The following AFF3 variants were observed in gnomAD, a reference collection of about 807,000 sequenced individuals.
AFF3 encodes the protein ALF transcription elongation factor 3.
AFF3 carries 32 observed loss-of-function variants against 129.7 expected under a neutral mutation model. The ratio of observed to expected loss-of-function variants is 0.25; its 90% CI spans 0.19 to 0.33. AFF3 has a LOEUF of 0.33. AFF3 is among the 10% of genes least tolerant of loss of function. The probability of loss-of-function intolerance (pLI) is 1.00; values close to 1 mark genes in which losing one functional copy is unlikely to be tolerated. For synonymous variants in AFF3, 644 were observed against 635.4 expected (o/e 1.01, Z -0.20); for missense variants, 1,373 against 1,592.0 (o/e 0.86, Z 2.34).
chr2:99,953,153 G>T (rs1676321536), intron 7 of AFF3, among the ~76,000 whole-genome samples: 1 of 152,174 alleles, frequency 6.6e-6, no homozygotes, highest in Non-Finnish European at 1.5e-5. Flanking sequence ...AGGGTTCTAA[G>T]ATTTTAGAAT....
intron 8 of AFF3, among the ~76,000 whole-genome samples, chr2:99,778,107 G>A (rs1361692927): frequency 6.6e-6 from 1 of 152,152 alleles, no homozygotes; most frequent in Non-Finnish European, 1.5e-5. Context: ...AGAGCCAGAA[G>A]GCAGAGCAGT....
At chr2:99,996,351 T>C (rs1680825593) in intron 7 of AFF3, among the ~76,000 whole-genome samples, 1 of 152,192 alleles carries the variant, frequency 6.6e-6, no homozygotes, top group East Asian at 1.9e-4. Flanking sequence ...ACATTAACTG[T>C]GATTATTTCC....
chr2:99,961,524 G>A (rs1677212267), intron 7 of AFF3, among the ~76,000 whole-genome samples: 1 of 152,140 alleles, frequency 6.6e-6, no homozygotes, highest in Non-Finnish European at 1.5e-5. Flanking sequence ...GATGCACACA[G>A]GTTTTAGAGA....
intron 1 of AFF3, among the ~76,000 whole-genome samples, chr2:100,131,501 C>A (rs553831398): frequency 6.6e-6 from 1 of 151,930 alleles, no homozygotes; most frequent in South Asian, 2.1e-4. Context: ...GCTCTGTTGC[C>A]CAGGCTGGAG....
chr2:99,818,362 G>C (rs1363400582), intron 8 of AFF3, among the ~76,000 whole-genome samples: 4 of 152,166 alleles, frequency 2.6e-5, no homozygotes, highest in African/African-American at 7.2e-5. Context: ...GAAATGTAGG[G>C]AATCTCATTC....
intron 2 of AFF3, among the ~76,000 whole-genome samples, chr2:100,109,567 A>G (rs138317306): frequency 1.8e-3 from 279 of 152,180 alleles, no homozygotes; most frequent in African/African-American, 6.2e-3. Context: ...TTAAATCTTA[A>G]TATCCCCACA....
At chr2:100,100,640 A>G (rs1690656985) in intron 4 of AFF3, among the ~76,000 whole-genome samples, 1 of 152,224 alleles carries the variant, frequency 6.6e-6, no homozygotes, top group South Asian at 2.1e-4. Context: ...TCACTTGACA[A>G]TAACACTAAT....
intron 4 of AFF3, among the ~76,000 whole-genome samples, chr2:100,041,686 A>G (rs1162866336): frequency 1.3e-5 from 2 of 152,242 alleles, no homozygotes; most frequent in African/African-American, 2.4e-5. Context: ...GGAACAATTT[A>G]TGCCCACACA....
intron 4 of AFF3, among the ~76,000 whole-genome samples, chr2:100,012,607 C>G (rs924970767): frequency 2.6e-5 from 4 of 152,212 alleles, no homozygotes; most frequent in African/African-American, 9.6e-5. Context: ...TGTGCCGGTG[C>G]TCACCAGCCT....
chr2:99,823,074 A>T (rs1471551277), intron 8 of AFF3, among the ~76,000 whole-genome samples: 1 of 152,136 alleles, frequency 6.6e-6, no homozygotes, highest in African/African-American at 2.4e-5. Flanking sequence ...TATCTGTAAC[A>T]AAGTTTTCAA....
At chr2:100,049,288 G>T (rs1275834709) in intron 4 of AFF3, among the ~76,000 whole-genome samples, 1 of 152,156 alleles carries the variant, frequency 6.6e-6, no homozygotes, top group Non-Finnish European at 1.5e-5. Context: ...GTCTTGATGG[G>T]ATATTCTCGC....
chr2:99,738,160 G>A (rs956255726), intron 10 of AFF3, among the ~76,000 whole-genome samples: 7 of 151,944 alleles, frequency 4.6e-5, no homozygotes, highest in Non-Finnish European at 1.0e-4. Flanking sequence ...TCGTGGTCTC[G>A]TTTCCTTTTT....
chr2:99,592,440 A>G (rs1464281622), intron 15 of AFF3, among the ~76,000 whole-genome samples: 1 of 152,094 alleles, frequency 6.6e-6, no homozygotes, highest in Non-Finnish European at 1.5e-5. Context: ...ACAACCTTGA[A>G]CTTCATGAGG....
At chr2:99,705,649 G>A (rs1247383680) in intron 11 of AFF3, among the ~76,000 whole-genome samples, 1 of 151,940 alleles carries the variant, frequency 6.6e-6, no homozygotes, top group East Asian at 1.9e-4. Context: ...CAAGGTGGGT[G>A]GATCACCTGA....
rs191842979 is a variant in AFF3 at position 99,619,995 on chromosome 2, T to C, written c.1185-18374A>G. Among the ~76,000 whole-genome samples, 340 of 152,318 alleles carry C rather than the reference T, an allele frequency of 2.2e-3. 6 individuals carry two copies. Among genetic ancestry groups the C allele is most frequent in the East Asian group, 1.9e-3 (10 of 5,182 alleles). On this transcript the variant is annotated intron_variant, in intron 13 of 24. Coordinates refer to ENST00000672756, the MANE Select transcript of AFF3 (RefSeq NM_001386135.1). ...TCAGAGTAGAGTGACCCAAACGGGT[T>C]CTCTGTGAGGAAGTGATGGATGACT...
Position 99,623,352 on chromosome 2 carries a change from T to C in AFF3, c.1185-21731A>G, listed in dbSNP as rs543492936. On this transcript the variant is annotated intron_variant, in intron 13 of 24. Transcript: ENST00000672756. ...ATACAAAGGTTCCTCCTTTCTTCTA[T>C]GGTCTGTCAATTGGTCAAGGCATTT... Among the ~76,000 whole-genome samples the C allele has an allele frequency of 7.9e-5, 12 of 152,270 alleles. No individual in the cohort carries two copies. The South Asian group carries it at 1.7e-3, about 21-fold the overall frequency.
intron 4 of AFF3, among the ~76,000 whole-genome samples, chr2:100,036,388 C>T (rs1286449862): frequency 2.6e-5 from 4 of 151,988 alleles, no homozygotes; most frequent in African/African-American, 9.7e-5. Flanking sequence ...AAAGTGGGCG[C>T]TTCAATCAAC....
Position 99,880,835 on chromosome 2 carries a change from A to T in AFF3, c.874-43311T>A, listed in dbSNP as rs543356431. 3.3e-5 allele frequency among the ~76,000 whole-genome samples: 5 copies of T among 152,264 alleles called. No homozygotes were observed. In the South Asian group the frequency reaches 1.0e-3, roughly 32 times the overall value. On this transcript the variant is annotated intron_variant, in intron 7 of 24. Transcript: ENST00000672756. ...AGATGACGGAGTGCTGTTTGGGACGAGCAGTTGGAGGAGGCAAAGGAAATG... is the reference window on the plus strand; with the variant it reads ...AGATGACGGAGTGCTGTTTGGGACGTGCAGTTGGAGGAGGCAAAGGAAATG...
intron 13 of AFF3, among the ~76,000 whole-genome samples, chr2:99,641,236 C>T (rs1684163436): frequency 6.6e-6 from 1 of 152,226 alleles, no homozygotes; most frequent in Non-Finnish European, 1.5e-5. Context: ...CTGATTTCTT[C>T]ATAGTCTGAT....
Sources: allele counts gnomAD v4.1 joint callset (sites outside exome capture counted in the v4.1 genomes callset), GRCh38; gene constraint gnomAD v4.1.1; transcripts MANE v1.5; gene names NCBI Gene and HGNC (gene_info 2026-07-23, HGNC 2026-07-21).